The following ASPH variants were observed in gnomAD, a reference collection of about 807,000 sequenced individuals.
The protein encoded by ASPH is aspartyl/asparaginyl beta-hydroxylase.
Under a neutral mutation model 118.4 loss-of-function variants are expected in ASPH, and 100 were observed. The observed-to-expected ratio is 0.84, with a 90% CI of 0.72 to 1.00. The LOEUF (loss-of-function observed/expected upper bound fraction) is 1.00, where lower values mean the gene tolerates loss of function less well. ASPH is among the 50% of genes least tolerant of loss of function. The pLI is 0.00. For synonymous variants in ASPH, 315 were observed against 325.6 expected (o/e 0.97, Z 0.35); for missense variants, 920 against 919.5 (o/e 1.00, Z -0.01).
chr8:61,691,586 G>T (rs939937304), intron 1 of ASPH, among the ~76,000 whole-genome samples: 1 of 152,144 alleles, frequency 6.6e-6, no homozygotes, highest in African/African-American at 2.4e-5. Flanking sequence ...ACAGCAACAC[G>T]ATACCCCCAT....
chr8:61,526,221 C>T (rs977313880), intron 21 of ASPH, 109 bp from the exon 22 acceptor site: 7 of 1,399,382 alleles, frequency 5.0e-6, no homozygotes, highest in Non-Finnish European at 6.8e-6. Flanking sequence ...TAATTCTTTG[C>T]CTTATCTAGA....
intron 1 of ASPH, among the ~76,000 whole-genome samples, chr8:61,696,896 A>C (rs1834030611): frequency 6.6e-6 from 1 of 152,202 alleles, no homozygotes; most frequent in African/African-American, 2.4e-5. Context: ...TCCTGCTTTA[A>C]CTCTAAATTT....
Position 61,567,148 on chromosome 8 carries a change from T to C in ASPH, c.1300+20A>G. 1 of 1,611,250 alleles carries C rather than the reference T, an allele frequency of 6.2e-7. No homozygotes were observed. The highest frequency in any genetic ancestry group is 8.5e-7 in the Non-Finnish European group (1 of 1,178,404). ...AAACATATGCCATTTCCTACTGAATTACCTTTGATTGCATCTTACCTAGAA... is the reference window on the plus strand; with the variant it reads ...AAACATATGCCATTTCCTACTGAATCACCTTTGATTGCATCTTACCTAGAA... On this transcript the variant is annotated intron_variant, in intron 17 of 24. Coordinates refer to ENST00000379454, the MANE Select transcript of ASPH (RefSeq NM_004318.4).
In ASPH at chr8:61,621,796, C is replaced by T. The variant is rs191711136; in HGVS notation, c.935-2777G>A. Among the ~76,000 whole-genome samples, 11 of 152,308 alleles carry T rather than the reference C, an allele frequency of 7.2e-5. No individual in the cohort carries two copies. In the East Asian group the frequency reaches 2.1e-3, roughly 29 times the overall value. ...ATCCCAGTAATGGGGAATTCATTAA[C>T]TAAAGGGAGCTATATGCTCAGCCCA... is the stretch of plus-strand genomic sequence containing the variant. On this transcript the variant is annotated intron_variant, in intron 13 of 24. Coordinates refer to ENST00000379454, the MANE Select transcript of ASPH (RefSeq NM_004318.4).
At chr8:61,582,752 G>T (rs1163132326) in intron 15 of ASPH, among the ~76,000 whole-genome samples, 1 of 152,126 alleles carries the variant, frequency 6.6e-6, no homozygotes, top group Non-Finnish European at 1.5e-5. Flanking sequence ...TGTTTTTATT[G>T]TTGTTTGTTT....
chr8:61,553,238 T>C (rs1826661064), intron 19 of ASPH, 118 bp from the exon 20 acceptor site: 2 of 707,912 alleles, frequency 2.8e-6, no homozygotes, highest in South Asian at 4.0e-5. Flanking sequence ...GAAAAATATA[T>C]CTCCATATTA....
chr8:61,579,145 A>C (rs1282538568), intron 15 of ASPH: 12 of 1,611,726 alleles, frequency 7.4e-6, no homozygotes, highest in Admixed American at 6.7e-5. Context: ...GAGATCTCTG[A>C]GATGAACTGG....
At chr8:61,626,191 C>A in intron 13 of ASPH, 1 of 1,412,316 alleles carries the variant, frequency 7.1e-7, no homozygotes, top group Non-Finnish European at 9.3e-7. Context: ...GTAATTGCTT[C>A]ACAAGATCTA....
chr8:61,684,817 T>A (rs1337911855), intron 1 of ASPH: 3 of 152,208 alleles, frequency 2.0e-5, no homozygotes, highest in African/African-American at 7.2e-5. Context: ...ATATGCTTAA[T>A]ATACCTTATA....
intron 24 of ASPH, among the ~76,000 whole-genome samples, chr8:61,506,318 C>T (rs1806529531): frequency 1.3e-5 from 2 of 152,098 alleles, no homozygotes; most frequent in African/African-American, 4.8e-5. Context: ...TTGCCAGTGG[C>T]CGGTGGGAGG....
At chr8:61,564,568 G>A (rs1218635212) in intron 17 of ASPH, among the ~76,000 whole-genome samples, 2 of 152,136 alleles carry the variant, frequency 1.3e-5, no homozygotes, top group Admixed American at 1.3e-4. Flanking sequence ...CAAAGTGCTG[G>A]GATTACAGGC....
rs1487538378 is a variant in ASPH at position 61,589,491 on chromosome 8, AT to A, written c.977-5463del. 2.6e-5 allele frequency among the ~76,000 whole-genome samples: 4 copies of A among 152,332 alleles called. No individual in the cohort carries two copies. The East Asian group carries it at 5.8e-4, about 22-fold the overall frequency. Reference sequence around the variant, plus strand: ...GCACACAAAAAGGAAAAAACCCAACATGCGAATCTAGACCTAGCTAGGCCCT... The same window carrying A: ...GCACACAAAAAGGAAAAAACCCAACAGCGAATCTAGACCTAGCTAGGCCCT... On this transcript the variant is annotated intron_variant, in intron 14 of 24. Coordinates refer to ENST00000379454, the MANE Select transcript of ASPH (RefSeq NM_004318.4).
intron 15 of ASPH, among the ~76,000 whole-genome samples, chr8:61,577,255 A>T (rs559038996): frequency 7.9e-5 from 12 of 152,036 alleles, no homozygotes; most frequent in African/African-American, 2.9e-4. Context: ...CACCACATCA[A>T]CATGGCACAT....
intron 21 of ASPH, among the ~76,000 whole-genome samples, chr8:61,536,535 G>C (rs905478580): frequency 3.9e-5 from 6 of 152,216 alleles, no homozygotes; most frequent in African/African-American, 1.4e-4. Flanking sequence ...AGTGGGGGCT[G>C]TTGGCCTAAG....
chr8:61,579,810 T>C (rs1221971495), intron 15 of ASPH: 2 of 709,936 alleles, frequency 2.8e-6, no homozygotes, highest in Non-Finnish European at 5.1e-6. Flanking sequence ...CTGGGGAGTT[T>C]ACTACCTGGG....
intron 5 of ASPH, among the ~76,000 whole-genome samples, chr8:61,649,097 G>GC (rs1809574614): frequency 6.6e-6 from 1 of 152,126 alleles, no homozygotes; most frequent in South Asian, 2.1e-4. Context: ...TTATAGAGGA[G>GC]CAAGTATGGA....
chr8:61,627,195 T>C (rs1853301891), intron 13 of ASPH, among the ~76,000 whole-genome samples: 1 of 152,088 alleles, frequency 6.6e-6, no homozygotes, highest in African/African-American at 2.4e-5. Context: ...TAGTCAACAA[T>C]TGAGGGAAAA....
At chr8:61,660,494 T>A (rs1816284642) in intron 3 of ASPH, 1 of 152,008 alleles carries the variant, frequency 6.6e-6, no homozygotes, top group South Asian at 2.1e-4. Context: ...TCCCACCCCA[T>A]AAGGAGTAGG....
intron 3 of ASPH, chr8:61,663,044 T>C: frequency 1.0e-6 from 1 of 985,428 alleles, no homozygotes; most frequent in Non-Finnish European, 1.2e-6. Flanking sequence ...AAATCTTTAG[T>C]GAAGACAGCA....
Sources: allele counts gnomAD v4.1 joint callset (sites outside exome capture counted in the v4.1 genomes callset), GRCh38; gene constraint gnomAD v4.1.1; transcripts MANE v1.5; gene names NCBI Gene and HGNC (gene_info 2026-07-23, HGNC 2026-07-21).